The following NMNAT2 variants were observed in gnomAD, a reference collection of about 807,000 sequenced individuals.
NMNAT2 encodes nicotinamide nucleotide adenylyltransferase 2, also known as nicotinamide/nicotinic acid mononucleotide adenylyltransferase 2.
NMNAT2 carries 11 observed loss-of-function variants against 41.6 expected under a neutral mutation model. That is an observed-to-expected ratio of 0.26 (90% CI 0.17 to 0.44). The LOEUF is 0.44. NMNAT2 is among the 20% of genes least tolerant of loss of function. NMNAT2 has a pLI of 1.00. For synonymous variants in NMNAT2, 148 were observed against 151.2 expected (o/e 0.98, Z 0.16); for missense variants, 288 against 407.7 (o/e 0.71, Z 2.53).
intron 4 of NMNAT2, among the ~76,000 whole-genome samples, chr1:183,287,934 T>C (rs1661437960): frequency 6.6e-6 from 1 of 152,128 alleles, no homozygotes; most frequent in Non-Finnish European, 1.5e-5. Context: ...GTCACCTTTG[T>C]AAGACTCCTG....
In NMNAT2 at chr1:183,290,168, G is replaced by T; in HGVS notation, c.281C>A (p.Thr94Lys). Residue 94 changes from threonine to lysine, a missense_variant, in exon 4 of 11, where the codon ACG becomes AAG. Transcript: ENST00000287713. ...GTGGTGTTCCAACACGCTGCAGGTCGTCTGCCAGGTGTCCTGGTAGCACTC... is the reference window on the plus strand; with the variant it reads ...GTGGTGTTCCAACACGCTGCAGGTCTTCTGCCAGGTGTCCTGGTAGCACTC... ...PWECYQDTWQ[T>K]TCSVLEHHRD... The T allele has an allele frequency of 6.3e-7, 1 of 1,587,514 alleles. No homozygotes were observed.
chr1:183,268,154 G>A lies in NMNAT2; in HGVS notation c.652-6851C>T, dbSNP rs1032689409. Among the ~76,000 whole-genome samples the A allele has an allele frequency of 9.2e-5, 14 of 152,256 alleles. No individual in the cohort carries two copies. The East Asian group carries it at 2.5e-3, about 27-fold the overall frequency. On this transcript the variant is annotated intron_variant, in intron 8 of 10. Coordinates refer to ENST00000287713, the MANE Select transcript of NMNAT2 (RefSeq NM_015039.4). The stretch of plus-strand genomic sequence containing the variant: ...AGGGAAGGATATGAGACATGTTGAG[G>A]CAGGAAGCAACTTGGCCTTGGAAGA...
chr1:183,410,364 A>G (rs1218027557), intron 1 of NMNAT2, among the ~76,000 whole-genome samples: 1 of 151,946 alleles, frequency 6.6e-6, no homozygotes, highest in African/African-American at 2.4e-5. Flanking sequence ...TAAAATCATG[A>G]AAAGAAAGAA....
At chr1:183,331,742 C>A (rs1429710915) in intron 1 of NMNAT2, among the ~76,000 whole-genome samples, 1 of 152,154 alleles carries the variant, frequency 6.6e-6, no homozygotes, top group African/African-American at 2.4e-5. Flanking sequence ...ACCACCCAGG[C>A]TACCCCATAG....
intron 1 of NMNAT2, among the ~76,000 whole-genome samples, chr1:183,378,447 CG>C (rs1170578331): frequency 3.3e-5 from 5 of 150,712 alleles, no homozygotes; most frequent in Non-Finnish European, 5.9e-5. Context: ...CCCAGCTACT[CG>C]GGAGGCTGAG....
intron 1 of NMNAT2, among the ~76,000 whole-genome samples, chr1:183,390,027 G>C (rs1257178317): frequency 6.6e-6 from 1 of 151,976 alleles, no homozygotes; most frequent in Admixed American, 6.6e-5. Context: ...AGCTCATCAC[G>C]ATATAGAACA....
chr1:183,281,974 C>T (rs1195332941), intron 7 of NMNAT2, among the ~76,000 whole-genome samples: 4 of 152,234 alleles, frequency 2.6e-5, no homozygotes, highest in East Asian at 1.9e-4. Flanking sequence ...CCAGAATGCA[C>T]ACTCTCTGTC....
intron 1 of NMNAT2, among the ~76,000 whole-genome samples, chr1:183,295,380 A>T (rs537511983): frequency 6.6e-6 from 1 of 152,308 alleles, no homozygotes; most frequent in South Asian, 2.1e-4. Context: ...TTTTAGATTT[A>T]CAGAATAATT....
At chr1:183,342,783 G>T (rs1221974189) in intron 1 of NMNAT2, among the ~76,000 whole-genome samples, 4 of 151,900 alleles carry the variant, frequency 2.6e-5, no homozygotes, top group South Asian at 2.1e-4. Context: ...ATCCAGGCTG[G>T]AGTGCAGTGG....
intron 1 of NMNAT2, among the ~76,000 whole-genome samples, chr1:183,413,999 T>A (rs1397514128): frequency 6.6e-6 from 1 of 152,234 alleles, no homozygotes; most frequent in Non-Finnish European, 1.5e-5. Flanking sequence ...CTCCCTGATA[T>A]TAACCACCCG....
chr1:183,286,554 C>T, intron 5 of NMNAT2, 108 bp downstream of exon 5: 1 of 908,908 alleles, frequency 1.1e-6, no homozygotes, highest in Non-Finnish European at 1.6e-6. Flanking sequence ...CCTCTTTCCC[C>T]TCTCAGACCT....
intron 1 of NMNAT2, among the ~76,000 whole-genome samples, chr1:183,303,395 C>A (rs1241168979): frequency 5.9e-5 from 9 of 152,208 alleles, no homozygotes; most frequent in Non-Finnish European, 1.2e-4. Flanking sequence ...TGTTAAATTT[C>A]ACAGCAACTG....
At position 183,252,607 on chromosome 1, in the gene NMNAT2, A is replaced by AG. The variant is rs773175651; in HGVS notation, c.*33dup. On this transcript the variant is annotated 3_prime_UTR_variant, in exon 11 of 11. Transcript: ENST00000287713. ...AGAAACAGGGGGCTGACAAAGATGGAGGGGCCATTGTGTTGCCGGAGGACG... is the reference window on the plus strand; with the variant it reads ...AGAAACAGGGGGCTGACAAAGATGGAGGGGGCCATTGTGTTGCCGGAGGACG... The AG allele has an allele frequency of 4.3e-6, 6 of 1,381,538 alleles. No homozygotes were observed. The Admixed American group carries it at 1.0e-4, about 23-fold the overall frequency. 85.6% of individuals were successfully genotyped at this position (1,381,538 alleles called of 1,614,324 possible). A position where few individuals can be genotyped will look rare whatever the true frequency, so the allele number is the denominator to read the frequency against.
chr1:183,270,304 A>T (rs959296313), intron 8 of NMNAT2, among the ~76,000 whole-genome samples: 6 of 152,176 alleles, frequency 3.9e-5, no homozygotes, highest in African/African-American at 1.4e-4. Flanking sequence ...TTAGAGTATT[A>T]TAATTTTAGT....
At chr1:183,298,053 T>C (rs1661749850) in intron 1 of NMNAT2, among the ~76,000 whole-genome samples, 1 of 152,200 alleles carries the variant, frequency 6.6e-6, no homozygotes, top group African/African-American at 2.4e-5. Context: ...AGAAACGTCC[T>C]CGACTTGACA....
At chr1:183,260,819 C>CAAA (rs35660466) in intron 10 of NMNAT2, among the ~76,000 whole-genome samples, 183 bp downstream of exon 10, 791 of 74,968 alleles carry the variant, frequency 0.011, 5 homozygotes, top group Non-Finnish European at 0.015. Flanking sequence ...GACGCTGTCT[C>CAAA]AAAAAAAAAA....
intron 5 of NMNAT2, among the ~76,000 whole-genome samples, chr1:183,286,264 T>G (rs1465798978): frequency 4.6e-5 from 7 of 151,808 alleles, no homozygotes. Context: ...TTATTATTAT[T>G]ATTATTTGGT....
chr1:183,290,096 G>C (rs1318424209), intron 4 of NMNAT2, 32 bp downstream of exon 4: 1 of 1,536,290 alleles, frequency 6.5e-7, no homozygotes, highest in Middle Eastern at 1.8e-4. Flanking sequence ...CACTCTGGTG[G>C]TTCACGCATC....
At chr1:183,417,155 G>T (rs1448788913) in intron 1 of NMNAT2, among the ~76,000 whole-genome samples, 1 of 152,012 alleles carries the variant, frequency 6.6e-6, no homozygotes, top group Non-Finnish European at 1.5e-5. Flanking sequence ...TGAGTCCTAC[G>T]AGCAGCTGCG....
Sources: allele counts gnomAD v4.1 joint callset (sites outside exome capture counted in the v4.1 genomes callset), GRCh38; gene constraint gnomAD v4.1.1; transcripts MANE v1.5; gene names NCBI Gene and HGNC (gene_info 2026-07-23, HGNC 2026-07-21).